RYR3: variants seen among roughly 807,000 people sequenced by gnomAD.
The protein encoded by RYR3 is ryanodine receptor 3.
Under a neutral mutation model 584.3 loss-of-function variants are expected in RYR3, and 207 were observed. The ratio of observed to expected loss-of-function variants is 0.35; its 90% confidence interval spans 0.32 to 0.40. The LOEUF (loss-of-function observed/expected upper bound fraction) is 0.40, where lower values mean the gene tolerates loss of function less well. RYR3 is among the 10% of genes least tolerant of loss of function. RYR3 has a pLI of 1.00. For synonymous variants in RYR3, 2,416 were observed against 2,248.5 expected, an observed-to-expected ratio of 1.07 and a Z score of -2.11; for missense variants, 5,616 against 6,089.2, an observed-to-expected ratio of 0.92 and a Z score of 2.59.
chr15:33,329,027 A>C (rs1970071951), intron 1 of RYR3, among the ~76,000 whole-genome samples: 2 of 152,148 alleles, frequency 1.3e-5, no homozygotes, highest in South Asian at 4.1e-4. Context: ...CAGTTAAAGG[A>C]AATTTATGGT....
chr15:33,657,584 A>G (rs2062893975), intron 32 of RYR3, among the ~76,000 whole-genome samples: 1 of 152,218 alleles, frequency 6.6e-6, no homozygotes, highest in South Asian at 2.1e-4. Flanking sequence ...AGAATTTCCT[A>G]TTCATGTCTC....
At chr15:33,505,415 TG>T (rs1488963259) in intron 3 of RYR3, among the ~76,000 whole-genome samples, 1 of 152,254 alleles carries the variant, frequency 6.6e-6, no homozygotes, top group Non-Finnish European at 1.5e-5. Flanking sequence ...CTCCTCAGTC[TG>T]GGTTCATTTC....
intron 102 of RYR3, 26 bp from the exon 103 acceptor site, chr15:33,864,112 C>T (rs766605803): frequency 2.5e-6 from 4 of 1,583,702 alleles, no homozygotes; most frequent in South Asian, 1.1e-5. Flanking sequence ...ACCAGAGTAT[C>T]TAATACTATC....
At chr15:33,502,877 G>A (rs766411130) in intron 2 of RYR3, among the ~76,000 whole-genome samples, 17 of 152,114 alleles carry the variant, frequency 1.1e-4, no homozygotes, top group Non-Finnish European at 2.4e-4. Flanking sequence ...CTTATAGGAT[G>A]GTTGTGAAGA....
chr15:33,701,911 A>C lies in RYR3; in HGVS notation c.6483+831A>C, dbSNP rs554261462. On this transcript the variant is annotated intron_variant, in intron 42 of 103. Transcript: ENST00000634891. Reference sequence around the variant, plus strand: ...GAGACTGGGTATGACTGAAGCACAGAGTACCTGGGGGATGTGGTGAGAATG... The same window carrying C: ...GAGACTGGGTATGACTGAAGCACAGCGTACCTGGGGGATGTGGTGAGAATG... 3.3e-5 allele frequency among the ~76,000 whole-genome samples: 5 copies of C among 152,304 alleles called. No homozygotes were observed. In the East Asian group the frequency reaches 9.7e-4, roughly 29 times the overall value.
chr15:33,343,949 A>G (rs1163062095), intron 1 of RYR3, among the ~76,000 whole-genome samples: 2 of 152,258 alleles, frequency 1.3e-5, no homozygotes, highest in African/African-American at 4.8e-5. Flanking sequence ...AGAAAGGTTA[A>G]GAAGATTTTG....
chr15:33,402,516 GATAA>G (rs1163759280), intron 1 of RYR3, among the ~76,000 whole-genome samples: 1 of 152,200 alleles, frequency 6.6e-6, no homozygotes, highest in African/African-American at 2.4e-5. Flanking sequence ...GTCTGCCTTG[GATAA>G]ATATTCTTTA....
intron 64 of RYR3, 77 bp downstream of exon 64, chr15:33,773,692 A>G: frequency 1.1e-6 from 1 of 949,238 alleles, no homozygotes; most frequent in Non-Finnish European, 1.7e-6. Context: ...ACTTAATGAT[A>G]TCATTTCAAT....
chr15:33,821,504 C>A lies in RYR3; in HGVS notation c.10916-19C>A, dbSNP rs753509842. 1 of 1,613,408 alleles carries A rather than the reference C, an allele frequency of 6.2e-7. No individual in the cohort carries two copies. Among genetic ancestry groups the A allele is most frequent in the South Asian group, 1.1e-5 (1 of 91,052 alleles). On this transcript the variant is annotated intron_variant, in intron 79 of 103. Coordinates refer to ENST00000634891, the MANE Select transcript of RYR3 (RefSeq NM_001036.6). ...CCATCTGTTTCCTTGGTGATTCAAT[C>A]GAATCTTCACCATGGCAGGTGAGAT...
At chr15:33,795,297 G>A (rs1479868127) in intron 67 of RYR3, among the ~76,000 whole-genome samples, 1 of 152,024 alleles carries the variant, frequency 6.6e-6, no homozygotes, top group Non-Finnish European at 1.5e-5. Context: ...GCTGTGGTGT[G>A]CTCAGTGGGG....
chr15:33,326,011 A>G (rs1969651835), intron 1 of RYR3, among the ~76,000 whole-genome samples: 1 of 151,994 alleles, frequency 6.6e-6, no homozygotes, highest in Non-Finnish European at 1.5e-5. Flanking sequence ...CATTTTGCCC[A>G]AGCTGTTTTC....
At chr15:33,356,138 T>C (rs1973949946) in intron 1 of RYR3, among the ~76,000 whole-genome samples, 1 of 152,134 alleles carries the variant, frequency 6.6e-6, no homozygotes, top group Non-Finnish European at 1.5e-5. Context: ...AGGAGCAGCA[T>C]GGTTATTTGG....
chr15:33,709,550 C>T (rs1401821610), intron 43 of RYR3, among the ~76,000 whole-genome samples: 1 of 152,174 alleles, frequency 6.6e-6, no homozygotes, highest in Non-Finnish European at 1.5e-5. Context: ...GAGGACCCAA[C>T]ACCTCATGAA....
intron 1 of RYR3, among the ~76,000 whole-genome samples, chr15:33,428,018 C>G (rs2044790257): frequency 6.6e-6 from 1 of 152,230 alleles, no homozygotes; most frequent in Non-Finnish European, 1.5e-5. Flanking sequence ...TCTCCCTTAT[C>G]AATCCCTATC....
intron 67 of RYR3, among the ~76,000 whole-genome samples, chr15:33,796,372 G>A (rs556016761): frequency 2.6e-5 from 4 of 152,208 alleles, no homozygotes; most frequent in South Asian, 2.1e-4. Flanking sequence ...GACATGAGGC[G>A]ATTCACCCAC....
At chr15:33,606,689 T>A (rs1445395920) in intron 18 of RYR3, among the ~76,000 whole-genome samples, 1 of 152,168 alleles carries the variant, frequency 6.6e-6, no homozygotes, top group Non-Finnish European at 1.5e-5. Flanking sequence ...ATGGTCTCAC[T>A]TTCCCTCTCT....
Position 33,854,793 on chromosome 15 carries a change from A to G in RYR3, c.13888A>G (p.Thr4630Ala). 6.2e-7 allele frequency: 1 copy of G among 1,612,716 alleles called. No individual in the cohort carries two copies. ...CTTTCTCTACCTTGCCTGGTATACA[A>G]CCATGTCAGTCCTGGGCCACTACAA... ...NSFLYLAWYT[T>A]MSVLGHYNNF... Residue 4630 changes from threonine to alanine, a missense_variant, in exon 98 of 104, where the codon ACC becomes GCC. This residue lies in a region of RYR3 where 918 missense variants were observed against 887.4 expected (regional missense o/e 1.03). Coordinates refer to ENST00000634891, the MANE Select transcript of RYR3 (RefSeq NM_001036.6).
Position 33,812,875 on chromosome 15 carries a change from G to C in RYR3, c.10270G>C (p.Ala3424Pro). Residue 3424 changes from alanine (A) to proline (P), a missense_variant, in exon 73 of 104, where the codon GCT (alanine) becomes CCT (proline). Transcript: ENST00000634891. ...CTTCAATTTTCAGTCTGATGACCCA[G>C]CTGTAAAATGGCAACTGAACCTCTA... Reference protein sequence around the residue: ...LHLQEKSDDPAVKWQLNLYKD... With the variant: ...LHLQEKSDDPPVKWQLNLYKD... 1.9e-6 allele frequency: 3 copies of C among 1,613,874 alleles called. No homozygotes were observed. The highest frequency in any genetic ancestry group is 1.1e-5 in the South Asian group (1 of 91,062).
At chr15:33,392,912 A>G (rs978570960) in intron 1 of RYR3, among the ~76,000 whole-genome samples, 13 of 152,394 alleles carry the variant, frequency 8.5e-5, no homozygotes, top group Admixed American at 2.0e-4. Flanking sequence ...TTATTGTTCA[A>G]GTATGTTTTA....
Sources: allele counts gnomAD v4.1 joint callset (sites outside exome capture counted in the v4.1 genomes callset), GRCh38; gene constraint gnomAD v4.1.1; regional missense constraint gnomAD v4.1.1; transcripts MANE v1.5; gene names NCBI Gene and HGNC (gene_info 2026-07-23, HGNC 2026-07-21).